HHAT: variants seen among roughly 807,000 people sequenced by gnomAD.
HHAT encodes protein-cysteine N-palmitoyltransferase HHAT.
HHAT carries 47 observed loss-of-function variants against 70.8 expected under a neutral mutation model. The ratio of observed to expected loss-of-function variants is 0.66; its 90% CI spans 0.53 to 0.85. The LOEUF (loss-of-function observed/expected upper bound fraction) is 0.85, where lower values mean the gene tolerates loss of function less well. HHAT is among the 40% of genes least tolerant of loss of function. The pLI is 0.00. For synonymous variants in HHAT, 228 were observed against 247.6 expected, an observed-to-expected ratio of 0.92 and a Z score of 0.74; for missense variants, 609 against 604.8, an observed-to-expected ratio of 1.01 and a Z score of -0.07.
intron 9 of HHAT, among the ~76,000 whole-genome samples, chr1:210,564,740 G>A (rs1654235739): frequency 6.6e-6 from 1 of 151,870 alleles, no homozygotes; most frequent in Non-Finnish European, 1.5e-5. Context: ...AAATAAGAGA[G>A]AGACACAGAT....
intron 8 of HHAT, among the ~76,000 whole-genome samples, 185 bp downstream of exon 8, chr1:210,464,840 G>C (rs777732359): frequency 2.0e-5 from 3 of 152,182 alleles, no homozygotes; most frequent in Non-Finnish European, 4.4e-5. Flanking sequence ...TCACAATTAT[G>C]ATTAGTCTGT....
chr1:210,486,201 GT>G (rs1475148812), intron 8 of HHAT, among the ~76,000 whole-genome samples: 1 of 152,066 alleles, frequency 6.6e-6, no homozygotes, highest in African/African-American at 2.4e-5. Context: ...TTTGATAGAA[GT>G]GTAATCAGGA....
intron 3 of HHAT, among the ~76,000 whole-genome samples, chr1:210,367,330 G>A (rs76653324): frequency 0.19 from 28,619 of 152,072 alleles, 2,731 homozygotes; most frequent in African/African-American, 0.22. Flanking sequence ...TTAACTGCAG[G>A]AAAGAGTGAA....
intron 7 of HHAT, among the ~76,000 whole-genome samples, chr1:210,418,813 A>T (rs1299988909): frequency 6.6e-6 from 1 of 152,168 alleles, no homozygotes; most frequent in Non-Finnish European, 1.5e-5. Flanking sequence ...CGGGCAGATC[A>T]CTTGAGGTCA....
intron 11 of HHAT, among the ~76,000 whole-genome samples, chr1:210,666,727 G>C (rs1678970269): frequency 6.6e-6 from 1 of 151,998 alleles, no homozygotes; most frequent in Admixed American, 6.5e-5. Context: ...CAAGTGATTT[G>C]ACCGCCTCAG....
chr1:210,455,392 G>A (rs1396295176), intron 7 of HHAT, among the ~76,000 whole-genome samples: 2 of 152,160 alleles, frequency 1.3e-5, no homozygotes, highest in African/African-American at 4.8e-5. Flanking sequence ...TGCTCTTTGA[G>A]GCTGGATTTT....
intron 3 of HHAT, among the ~76,000 whole-genome samples, chr1:210,386,981 CTT>C (rs1298338135): frequency 5.3e-5 from 8 of 152,184 alleles, no homozygotes; most frequent in African/African-American, 1.4e-4. Context: ...GAATAACTGA[CTT>C]TAAGCCATTT....
At chr1:210,420,579 C>T (rs986788913) in intron 7 of HHAT, among the ~76,000 whole-genome samples, 2 of 151,696 alleles carry the variant, frequency 1.3e-5, no homozygotes, top group African/African-American at 4.8e-5. Flanking sequence ...GGGTTCAGCC[C>T]ACCAGCATGG....
chr1:210,366,804 C>T (rs1011354649), intron 3 of HHAT, among the ~76,000 whole-genome samples: 5 of 152,138 alleles, frequency 3.3e-5, no homozygotes, highest in African/African-American at 1.2e-4. Flanking sequence ...CATCCTGTTC[C>T]TCTTCTGGAT....
At position 210,623,534 on chromosome 1, in the gene HHAT, C is replaced by A. The variant is rs761135455; in HGVS notation, c.1254C>A (p.Tyr418Ter). 2 of 1,614,062 alleles carry A rather than the reference C, an allele frequency of 1.2e-6. No individual in the cohort carries two copies. The highest frequency in any genetic ancestry group is 8.5e-7 in the Non-Finnish European group (1 of 1,180,002). ...TGCCATTTTTCCCGTAGGCCCGATACTTCTCCCCACAAGCTCGCCGTCGAT... is the reference window on the plus strand; with the variant it reads ...TGCCATTTTTCCCGTAGGCCCGATAATTCTCCCCACAAGCTCGCCGTCGAT... ...TPCIQDSLARYFSPQARRRFH... is the reference protein window; with the variant it reads ...TPCIQDSLAR Residue 418 changes from tyrosine (Y) to a stop codon, truncating the protein, a stop_gained, in exon 11 of 12, where the codon TAC (tyrosine) becomes TAA (stop). Coordinates refer to ENST00000261458, the MANE Select transcript of HHAT (RefSeq NM_018194.6). LOFTEE classifies it high-confidence loss of function.
chr1:210,645,534 A>AGTCCC (rs1673868232), intron 11 of HHAT, among the ~76,000 whole-genome samples: 2 of 152,204 alleles, frequency 1.3e-5, no homozygotes, highest in South Asian at 4.1e-4. Context: ...CCTTTATCGC[A>AGTCCC]AGTACTGGAT....
chr1:210,338,232 C>T (rs1365027771), intron 1 of HHAT, among the ~76,000 whole-genome samples: 2 of 151,964 alleles, frequency 1.3e-5, no homozygotes, highest in Non-Finnish European at 2.9e-5. Context: ...CCCAGCTACT[C>T]GGGAGGCTGA....
chr1:210,544,397 A>T (rs1159276086), intron 9 of HHAT, among the ~76,000 whole-genome samples: 3 of 68,632 alleles, frequency 4.4e-5, no homozygotes, highest in African/African-American at 1.0e-4. Flanking sequence ...TTTTTGACAC[A>T]GTTTTGCTCT....
chr1:210,463,099 T>C (rs954856039), intron 7 of HHAT: 1 of 151,828 alleles, frequency 6.6e-6, no homozygotes, highest in Non-Finnish European at 1.5e-5. Flanking sequence ...ACCCACTGCC[T>C]CCTTACCCCA....
intron 9 of HHAT, among the ~76,000 whole-genome samples, chr1:210,553,777 T>C (rs1204105648): frequency 1.3e-5 from 2 of 152,148 alleles, no homozygotes; most frequent in Non-Finnish European, 2.9e-5. Context: ...CACCCAGGGC[T>C]CTGCCTCCTC....
chr1:210,426,439 C>T (rs1425476790), intron 7 of HHAT, among the ~76,000 whole-genome samples: 1 of 152,160 alleles, frequency 6.6e-6, no homozygotes, highest in Non-Finnish European at 1.5e-5. Context: ...AGGAATGCTT[C>T]CAGCATTCGC....
chr1:210,490,961 A>G (rs910820632), intron 8 of HHAT, among the ~76,000 whole-genome samples: 4 of 152,120 alleles, frequency 2.6e-5, no homozygotes, highest in African/African-American at 7.2e-5. Flanking sequence ...ATCCATATGG[A>G]AAAAGTTGAA....
intron 3 of HHAT, among the ~76,000 whole-genome samples, chr1:210,365,535 C>T (rs775862352): frequency 5.3e-5 from 8 of 152,026 alleles, no homozygotes; most frequent in Non-Finnish European, 1.2e-4. Context: ...CCATGCTGGT[C>T]TCAAACTCCC....
intron 2 of HHAT, among the ~76,000 whole-genome samples, chr1:210,358,092 A>G (rs2087843672): frequency 6.6e-6 from 1 of 152,208 alleles, no homozygotes; most frequent in South Asian, 2.1e-4. Flanking sequence ...CCTAGGCTAG[A>G]GAGCATTTGT....
Sources: gnomAD v4.1 joint callset for allele counts (sites outside exome capture counted in the v4.1 genomes callset) on GRCh38, gnomAD v4.1.1 for gene constraint, MANE v1.5 for transcripts, NCBI Gene and HGNC (gene_info 2026-07-23, HGNC 2026-07-21) for gene names.